The following ADGRB3 variants were observed in gnomAD, a reference collection of about 807,000 sequenced individuals.
The protein encoded by ADGRB3 is brain-specific angiogenesis inhibitor 3.
ADGRB3 carries 37 observed loss-of-function variants against 193.4 expected under a neutral mutation model. The ratio of observed to expected loss-of-function variants is 0.19; its 90% CI spans 0.15 to 0.25. The LOEUF is 0.25. Ranked by LOEUF, ADGRB3 falls within the 10% of genes least tolerant of loss-of-function variation. ADGRB3 has a pLI of 1.00. For missense variants in ADGRB3, 1,637 were observed against 1,852.9 expected (o/e 0.88, Z 2.14); for synonymous variants, 690 against 644.2 (o/e 1.07, Z -1.08).
chr6:68,959,177 A>G (rs1027962096), intron 8 of ADGRB3, among the ~76,000 whole-genome samples: 3 of 151,936 alleles, frequency 2.0e-5, no homozygotes, highest in Non-Finnish European at 4.4e-5. Flanking sequence ...TGGAGTTCCA[A>G]CTCTGTTCAA....
intron 8 of ADGRB3, among the ~76,000 whole-genome samples, chr6:68,960,212 T>C (rs1034236962): frequency 6.6e-6 from 1 of 152,186 alleles, no homozygotes; most frequent in African/African-American, 2.4e-5. Flanking sequence ...ACACTTTATT[T>C]ATACATAAAA....
chr6:69,013,610 T>C (rs1024208526), intron 11 of ADGRB3, among the ~76,000 whole-genome samples: 2 of 152,120 alleles, frequency 1.3e-5, no homozygotes, highest in Admixed American at 6.6e-5. Flanking sequence ...GCCTATAGTC[T>C]TACTAGGGTG....
At position 68,809,593 on chromosome 6, in the gene ADGRB3, A is replaced by G. The variant is rs368988657; in HGVS notation, c.758-120966A>G. On this transcript the variant is annotated intron_variant, in intron 3 of 31. Transcript: ENST00000370598. The stretch of plus-strand genomic sequence containing the variant: ...ATGTTTCTCTACTTACATAGTTTAA[A>G]TAAGATTTTTGTCTAGTGAAAAACT... 7.2e-5 allele frequency among the ~76,000 whole-genome samples: 11 copies of G among 152,324 alleles called. No homozygotes were observed. In the South Asian group the frequency reaches 2.1e-3, roughly 29 times the overall value.
intron 17 of ADGRB3, among the ~76,000 whole-genome samples, chr6:69,200,184 T>A (rs540082628): frequency 6.6e-6 from 1 of 151,836 alleles, no homozygotes; most frequent in South Asian, 2.1e-4. Context: ...TTTCAAGATG[T>A]TGTTTTCTAA....
intron 20 of ADGRB3, among the ~76,000 whole-genome samples, chr6:69,288,013 A>G (rs1767588025): frequency 6.6e-6 from 1 of 152,254 alleles, no homozygotes; most frequent in South Asian, 2.1e-4. Context: ...TAGAACATGC[A>G]GTAGCAATAA....
chr6:69,089,672 T>G (rs1325846766), intron 17 of ADGRB3, among the ~76,000 whole-genome samples: 2 of 152,234 alleles, frequency 1.3e-5, no homozygotes, highest in Non-Finnish European at 2.9e-5. Flanking sequence ...CTTTGTAGGA[T>G]GTACTTCACC....
chr6:68,823,219 A>T, intron 3 of ADGRB3, among the ~76,000 whole-genome samples: 1 of 152,140 alleles, frequency 6.6e-6, no homozygotes, highest in African/African-American at 2.4e-5. Flanking sequence ...AAAAAATAAA[A>T]CAAGGCTAGT....
chr6:68,985,911 C>A (rs1246302799), intron 10 of ADGRB3, among the ~76,000 whole-genome samples: 3 of 152,224 alleles, frequency 2.0e-5, no homozygotes, highest in Non-Finnish European at 2.9e-5. Flanking sequence ...GGGCACCAGT[C>A]TGTGGCCACT....
chr6:69,242,667 T>C (rs1043698768), intron 20 of ADGRB3, among the ~76,000 whole-genome samples: 8 of 151,992 alleles, frequency 5.3e-5, no homozygotes, highest in Non-Finnish European at 1.0e-4. Flanking sequence ...TTTGACTGTA[T>C]ATTCAATTAC....
At chr6:69,081,366 C>G (rs1772381672) in intron 17 of ADGRB3, among the ~76,000 whole-genome samples, 1 of 151,896 alleles carries the variant, frequency 6.6e-6, no homozygotes, top group Admixed American at 6.6e-5. Context: ...GTCAAAGATG[C>G]TAATGCCAAA....
At chr6:69,055,433 G>A (rs1193890678) in intron 15 of ADGRB3, among the ~76,000 whole-genome samples, 3 of 151,952 alleles carry the variant, frequency 2.0e-5, no homozygotes, top group Non-Finnish European at 4.4e-5. Flanking sequence ...ATATCCTTTG[G>A]GTTCATTTGT....
Position 68,965,428 on chromosome 6 carries a change from G to A in ADGRB3, c.1525+8619G>A, listed in dbSNP as rs960358237. On this transcript the variant is annotated intron_variant, in intron 8 of 31. Coordinates refer to ENST00000370598, the MANE Select transcript of ADGRB3 (RefSeq NM_001704.3). Reference sequence around the variant, plus strand: ...CCAACAAGCGAATTTTGAAATGTGGGTTCTTGAGTAGTACATGTTTTTTTT... The same window carrying A: ...CCAACAAGCGAATTTTGAAATGTGGATTCTTGAGTAGTACATGTTTTTTTT... Among the ~76,000 whole-genome samples the A allele has an allele frequency of 2.8e-5, 4 of 143,140 alleles. No homozygotes were observed. The East Asian group carries it at 5.8e-4, about 21-fold the overall frequency. The allele number at this position is 143,140 out of a possible 152,430, so 93.9% of individuals were successfully genotyped here.
intron 3 of ADGRB3, among the ~76,000 whole-genome samples, chr6:68,756,574 A>G (rs1421036883): frequency 6.6e-6 from 1 of 152,088 alleles, no homozygotes; most frequent in African/African-American, 2.4e-5. Context: ...GCAGGTGCTC[A>G]CTTTACTGCA....
At chr6:69,327,657 T>A (rs1240016710) in intron 21 of ADGRB3, among the ~76,000 whole-genome samples, 163 bp from the exon 22 acceptor site, 1 of 152,196 alleles carries the variant, frequency 6.6e-6, no homozygotes, top group Admixed American at 6.5e-5. Context: ...CTCATATTTT[T>A]CAACTTGAAA....
At chr6:69,369,695 CAAA>C (rs913608447) in intron 29 of ADGRB3, among the ~76,000 whole-genome samples, 4 of 59,516 alleles carry the variant, frequency 6.7e-5, no homozygotes, top group East Asian at 4.5e-4. Context: ...AAGACCATTT[CAAA>C]AAAAAAAAAA....
At chr6:69,232,892 G>A in intron 17 of ADGRB3, 1 of 509,528 alleles carries the variant, frequency 2.0e-6, no homozygotes. Flanking sequence ...ATCAGAGCTG[G>A]TAGAAAAATA....
At chr6:69,004,416 C>A (rs1233774102) in intron 11 of ADGRB3, among the ~76,000 whole-genome samples, 1 of 142,988 alleles carries the variant, frequency 7.0e-6, no homozygotes, top group African/African-American at 2.6e-5. Context: ...TTTTTTTTTT[C>A]TTTATCTTTT....
intron 17 of ADGRB3, among the ~76,000 whole-genome samples, chr6:69,219,902 G>A (rs182940069): frequency 4.5e-4 from 68 of 152,102 alleles, no homozygotes; most frequent in Non-Finnish European, 7.5e-4. Context: ...GTCTGCAGTA[G>A]TCAGAAATGA....
chr6:68,695,245 G>A (rs1765137798), intron 3 of ADGRB3, among the ~76,000 whole-genome samples: 1 of 151,912 alleles, frequency 6.6e-6, no homozygotes, highest in African/African-American at 2.4e-5. Flanking sequence ...TTAAAAAATG[G>A]CTATAATTGA....
Sources: gnomAD v4.1 joint callset for allele counts (sites outside exome capture counted in the v4.1 genomes callset) on GRCh38, gnomAD v4.1.1 for gene constraint, MANE v1.5 for transcripts, NCBI Gene and HGNC (gene_info 2026-07-23, HGNC 2026-07-21) for gene names.